The following CADPS2 variants were observed in gnomAD, a reference collection of about 807,000 sequenced individuals.
CADPS2 encodes the protein calcium dependent secretion activator 2.
CADPS2 carries 93 observed loss-of-function variants against 172.5 expected under a neutral mutation model. That is an observed-to-expected ratio of 0.54 (90% CI 0.46 to 0.64). The LOEUF (loss-of-function observed/expected upper bound fraction) is 0.64. Ranked by LOEUF, CADPS2 falls within the 30% of genes least tolerant of loss-of-function variation. The probability of loss-of-function intolerance (pLI) is 0.00; values close to 1 mark genes in which losing one functional copy is unlikely to be tolerated. For synonymous variants in CADPS2, 546 were observed against 555.2 expected, an observed-to-expected ratio of 0.98 and a Z score of 0.23; for missense variants, 1,420 against 1,565.9, an observed-to-expected ratio of 0.91 and a Z score of 1.57.
Position 122,862,203 on chromosome 7 carries a change from T to A in CADPS2, c.339+23796A>T, listed in dbSNP as rs145262890. On this transcript the variant is annotated intron_variant, in intron 1 of 29. Coordinates refer to ENST00000449022, the MANE Select transcript of CADPS2 (RefSeq NM_017954.11). Reference sequence around the variant, plus strand: ...AAGTGGAGAGATTACTGCTGTACTTTGGAATAGTGATTCTCAAACTAAATC... The same window carrying A: ...AAGTGGAGAGATTACTGCTGTACTTAGGAATAGTGATTCTCAAACTAAATC... Among the ~76,000 whole-genome samples the A allele has an allele frequency of 4.6e-5, 7 of 152,356 alleles. No individual in the cohort carries two copies. The South Asian group carries it at 1.2e-3, about 27-fold the overall frequency.
Position 122,472,275 on chromosome 7 carries a change from A to T in CADPS2, c.1999-713T>A, listed in dbSNP as rs1023415497. The stretch of plus-strand genomic sequence containing the variant: ...TAAAAGAAAAGAAGGGAGTATAGAG[A>T]GTTTTAAAAGGGGGCAGGGTAATCA... On this transcript the variant is annotated intron_variant, in intron 13 of 29. Transcript: ENST00000449022. Among the ~76,000 whole-genome samples, 7 of 149,266 alleles carry T rather than the reference A, an allele frequency of 4.7e-5. 1 individual carries two copies. In the East Asian group the frequency reaches 1.4e-3, roughly 29 times the overall value.
At chr7:122,839,274 T>C (rs913867599) in intron 1 of CADPS2, among the ~76,000 whole-genome samples, 17 of 152,032 alleles carry the variant, frequency 1.1e-4, no homozygotes, top group South Asian at 2.1e-4. Context: ...ATACAAAAAT[T>C]AATTCAAGAT....
At chr7:122,351,230 G>T (rs1214279327) in intron 27 of CADPS2, among the ~76,000 whole-genome samples, 1 of 150,962 alleles carries the variant, frequency 6.6e-6, no homozygotes, top group Non-Finnish European at 1.5e-5. Context: ...AAAATTAGCT[G>T]GGCATGGTGG....
intron 2 of CADPS2, among the ~76,000 whole-genome samples, chr7:122,732,174 T>C (rs1404724857): frequency 6.6e-6 from 1 of 151,720 alleles, no homozygotes; most frequent in Non-Finnish European, 1.5e-5. Context: ...ATAATCTAGC[T>C]GAAAGAAATT....
At chr7:122,850,266 C>A (rs1813183828) in intron 1 of CADPS2, 2 of 750,372 alleles carry the variant, frequency 2.7e-6, no homozygotes, top group Non-Finnish European at 2.0e-6. Flanking sequence ...CCACTGGGGG[C>A]CCCAGGACTC....
At chr7:122,858,104 A>T (rs1815822599) in intron 1 of CADPS2, among the ~76,000 whole-genome samples, 1 of 152,166 alleles carries the variant, frequency 6.6e-6, no homozygotes, top group Non-Finnish European at 1.5e-5. Flanking sequence ...CCCCGCCCAC[A>T]TCCTTCTGAT....
intron 1 of CADPS2, among the ~76,000 whole-genome samples, chr7:122,783,527 T>C (rs13233385): frequency 0.22 from 32,727 of 152,072 alleles, 3,774 homozygotes; most frequent in Middle Eastern, 0.31. Context: ...GACCTGGTGA[T>C]GGATGAATAA....
chr7:122,660,109 C>G (rs770810163), intron 3 of CADPS2, among the ~76,000 whole-genome samples: 10 of 152,050 alleles, frequency 6.6e-5, no homozygotes, highest in Non-Finnish European at 1.3e-4. Context: ...TACATATAAT[C>G]TTTTATTTTT....
rs145364052 is a variant in CADPS2 at position 122,327,744 on chromosome 7, A to C, written c.3613-2163T>G. On this transcript the variant is annotated intron_variant, in intron 28 of 29. Coordinates refer to ENST00000449022, the MANE Select transcript of CADPS2 (RefSeq NM_017954.11). ...ATAACTTATTTAATACAATGCCAAA[A>C]TAATAATTTTAGAGAAAAATAATCT... Among the ~76,000 whole-genome samples, 449 of 152,130 alleles carry C rather than the reference A, an allele frequency of 3.0e-3. 5 individuals carry two copies. Among genetic ancestry groups the C allele is most frequent in the African/African-American group, 0.01 (435 of 41,546 alleles).
At chr7:122,752,929 G>A (rs2093009684) in intron 1 of CADPS2, among the ~76,000 whole-genome samples, 1 of 152,156 alleles carries the variant, frequency 6.6e-6, no homozygotes, top group Non-Finnish European at 1.5e-5. Flanking sequence ...AATGGTTGTA[G>A]AAAGGAAGGA....
intron 1 of CADPS2, among the ~76,000 whole-genome samples, chr7:122,744,599 C>G (rs1238461333): frequency 6.6e-6 from 1 of 152,120 alleles, no homozygotes; most frequent in East Asian, 1.9e-4. Flanking sequence ...TTTGGCAAAC[C>G]AAATTCCACT....
chr7:122,328,928 G>A (rs1312440148), intron 28 of CADPS2, among the ~76,000 whole-genome samples: 1 of 152,142 alleles, frequency 6.6e-6, no homozygotes, highest in Non-Finnish European at 1.5e-5. Flanking sequence ...TGTTTAAGGT[G>A]AGGTTTTCAA....
intron 3 of CADPS2, among the ~76,000 whole-genome samples, chr7:122,645,049 T>A (rs2078152361): frequency 6.6e-6 from 1 of 151,796 alleles, no homozygotes; most frequent in South Asian, 2.1e-4. Flanking sequence ...GATATAAAAT[T>A]ACCCTATGTG....
At chr7:122,486,174 C>A (rs2057794957) in intron 11 of CADPS2, among the ~76,000 whole-genome samples, 2 of 152,082 alleles carry the variant, frequency 1.3e-5, no homozygotes, top group African/African-American at 4.8e-5. Flanking sequence ...GGAGTAATTT[C>A]AACTTTCAAG....
intron 3 of CADPS2, among the ~76,000 whole-genome samples, chr7:122,655,360 T>C (rs962210828): frequency 2.0e-5 from 3 of 152,178 alleles, no homozygotes; most frequent in Non-Finnish European, 2.9e-5. Context: ...GCAAATTTCA[T>C]TGTTGTCTTA....
chr7:122,321,815 T>C (rs1444661209), intron 29 of CADPS2, among the ~76,000 whole-genome samples: 1 of 152,246 alleles, frequency 6.6e-6, no homozygotes, highest in Non-Finnish European at 1.5e-5. Flanking sequence ...TCTTCACATA[T>C]AATTTTCTGC....
At position 122,641,852 on chromosome 7, in the gene CADPS2, T is replaced by C. The variant is rs1416916654; in HGVS notation, c.787-12524A>G. On this transcript the variant is annotated intron_variant, in intron 3 of 29. Coordinates refer to ENST00000449022, the MANE Select transcript of CADPS2 (RefSeq NM_017954.11). ...AAAGTTGTGGCTCTCCAGGAGTTCA[T>C]ATGTTACGTTAAAAAAAAAAAAAGT... 2.0e-5 allele frequency among the ~76,000 whole-genome samples: 3 copies of C among 150,660 alleles called. No homozygotes were observed. The South Asian group carries it at 6.3e-4, about 31-fold the overall frequency.
intron 17 of CADPS2, among the ~76,000 whole-genome samples, chr7:122,418,106 G>C (rs1204557942): frequency 1.3e-5 from 2 of 151,542 alleles, no homozygotes; most frequent in Non-Finnish European, 2.9e-5. Flanking sequence ...GGAGGCAGAG[G>C]TTGCAGTGAG....
chr7:122,621,335 G>T, intron 5 of CADPS2, 146 bp downstream of exon 5: 1 of 597,110 alleles, frequency 1.7e-6, no homozygotes. Flanking sequence ...TATATAAGCT[G>T]AGTGTCCAAC....
Sources: allele counts gnomAD v4.1 joint callset (sites outside exome capture counted in the v4.1 genomes callset), GRCh38; gene constraint gnomAD v4.1.1; transcripts MANE v1.5; gene names NCBI Gene and HGNC (gene_info 2026-07-23, HGNC 2026-07-21).